RPS6KA2: variants seen among roughly 807,000 people sequenced by gnomAD.
The protein encoded by RPS6KA2 is ribosomal protein S6 kinase A2.
Under a neutral mutation model 91.8 loss-of-function variants are expected in RPS6KA2, and 42 were observed. That is an observed-to-expected ratio of 0.46 (90% CI 0.36 to 0.59). The LOEUF (loss-of-function observed/expected upper bound fraction) is 0.59, where lower values mean the gene tolerates loss of function less well. Among genes scored for constraint, RPS6KA2 ranks in the 20% least tolerant of loss-of-function variants. RPS6KA2 has a pLI of 0.00. For synonymous variants in RPS6KA2, 414 were observed against 393.6 expected, an observed-to-expected ratio of 1.05 and a Z score of -0.61; for missense variants, 798 against 978.5, an observed-to-expected ratio of 0.82 and a Z score of 2.46.
intron 3 of RPS6KA2, among the ~76,000 whole-genome samples, chr6:166,530,578 A>G (rs1783237034): frequency 6.6e-6 from 1 of 152,196 alleles, no homozygotes; most frequent in Non-Finnish European, 1.5e-5. Flanking sequence ...TGTGTGTTCA[A>G]TCGCCTAATG....
At chr6:166,718,806 A>G (rs1790092709) in intron 2 of RPS6KA2, among the ~76,000 whole-genome samples, 1 of 152,208 alleles carries the variant, frequency 6.6e-6, no homozygotes, top group Non-Finnish European at 1.5e-5. Context: ...CTTAATGAAA[A>G]GTGAGATCCC....
intron 2 of RPS6KA2, among the ~76,000 whole-genome samples, chr6:166,808,433 CT>C (rs1779547429): frequency 6.6e-6 from 1 of 152,158 alleles, no homozygotes; most frequent in Admixed American, 6.5e-5. Flanking sequence ...ACTGTTATTG[CT>C]TTGTTCATGG....
intron 3 of RPS6KA2, among the ~76,000 whole-genome samples, chr6:166,525,187 A>C (rs763217247): frequency 6.6e-6 from 1 of 152,174 alleles, no homozygotes; most frequent in African/African-American, 2.4e-5. Context: ...CATTCTTTTA[A>C]ATCAAGTTCC....
chr6:166,707,579 G>T (rs1248286479), intron 2 of RPS6KA2, among the ~76,000 whole-genome samples: 2 of 152,178 alleles, frequency 1.3e-5, no homozygotes, highest in Non-Finnish European at 2.9e-5. Context: ...AAGGAGTGCA[G>T]AATCAAGGCC....
intron 2 of RPS6KA2, among the ~76,000 whole-genome samples, chr6:166,748,709 CA>C (rs1583074348): frequency 6.8e-5 from 3 of 44,204 alleles, no homozygotes; most frequent in Non-Finnish European, 1.2e-4. Context: ...CCCACCTCCT[CA>C]GGCCCCCATC....
intron 13 of RPS6KA2, among the ~76,000 whole-genome samples, chr6:166,450,005 GGATGTCACCTAAGGGACCACCAC>G (rs1779822728): frequency 3.3e-4 from 48 of 147,596 alleles, no homozygotes; most frequent in Middle Eastern, 3.7e-3. Context: ...GAACCACCAT[GGATGTCACCTAAGGGACCACCAC>G]AGGAGCCACC....
chr6:166,733,454 C>T lies in RPS6KA2; in HGVS notation c.123+124746G>A, dbSNP rs1790591651. 6.6e-6 allele frequency among the ~76,000 whole-genome samples: 1 copy of T among 152,258 alleles called. No homozygotes were observed. The highest frequency in any genetic ancestry group is 6.5e-5 in the Admixed American group (1 of 15,290). ...AGGGCAGGATCTACTCCCAAAAAGACATAGGGACCCTTACAGTACGAGTTT... is the reference window on the plus strand; with the variant it reads ...AGGGCAGGATCTACTCCCAAAAAGATATAGGGACCCTTACAGTACGAGTTT... On this transcript the variant is annotated intron_variant, in intron 2 of 21. Transcript: ENST00000503859. The surrounding 1 kb of genome is among the most constrained non-coding windows in gnomAD (Gnocchi z 4.1).
At position 166,626,994 on chromosome 6, in the gene RPS6KA2, G is replaced by A; in HGVS notation, c.26C>T (p.Ala9Val). 2 of 1,550,878 alleles carry A rather than the reference G, an allele frequency of 1.3e-6. No homozygotes were observed. The highest frequency in any genetic ancestry group is 2.6e-5 in the East Asian group (1 of 38,902). The change falls in exon 1 of 21, where the codon GCC becomes GTC. Residue 9 changes from alanine to valine, a missense_variant. Physicochemically the swap from Ala to Val is moderately conservative, Grantham distance 64. Coordinates refer to ENST00000265678, the MANE Select transcript of RPS6KA2 (RefSeq NM_021135.6). This position sits in a 1 kb window ranked among gnomAD's most constrained non-coding sequence, Gnocchi z 4.1. The part of the protein sequence containing the change: MDLSMKKF[A>V]VRRFFSVYLR... Reference sequence around the variant, plus strand: ...GTACACAGAGAAGAACCTGCGCACGGCGAACTTCTTCATGCTCAGGTCCAT... The same window carrying A: ...GTACACAGAGAAGAACCTGCGCACGACGAACTTCTTCATGCTCAGGTCCAT...
At chr6:166,776,902 G>A (rs1021413442) in intron 2 of RPS6KA2, among the ~76,000 whole-genome samples, 1 of 152,212 alleles carries the variant, frequency 6.6e-6, no homozygotes, top group African/African-American at 2.4e-5. Flanking sequence ...TTCAGTACCT[G>A]TTTTCAACAA....
rs1788197012 is a variant in RPS6KA2, at chr6:166,662,785, CTG to C, written c.124-124003_124-124002del. Among the ~76,000 whole-genome samples, 1 of 152,186 alleles carries C rather than the reference CTG, an allele frequency of 6.6e-6. No individual in the cohort carries two copies. The highest frequency in any genetic ancestry group is 6.5e-5 in the Admixed American group (1 of 15,282). ...GAAGTCCTAACCTCTGGTACTTAGA[CTG>C]TGACTGTGTGGAGAGAGGACCTTTC... is the stretch of plus-strand genomic sequence containing the variant. On this transcript the variant is annotated intron_variant, in intron 2 of 21. Coordinates refer to the RPS6KA2 transcript ENST00000503859. The surrounding 1 kb of genome is among the most constrained non-coding windows in gnomAD (Gnocchi z 4.3).
chr6:166,659,939 T>TC (rs149762960), intron 2 of RPS6KA2, among the ~76,000 whole-genome samples: 23,073 of 151,908 alleles, frequency 0.15, 1,768 homozygotes, highest in Middle Eastern at 0.19. Context: ...TTTTTTTTTT[T>TC]TTAGACACAA....
At chr6:166,581,445 C>G (rs1785006123) in intron 1 of RPS6KA2, among the ~76,000 whole-genome samples, 1 of 152,126 alleles carries the variant, frequency 6.6e-6, no homozygotes, top group African/African-American at 2.4e-5. Flanking sequence ...CCGCTCAGCC[C>G]TTCCTTCTCC....
chr6:166,573,383 G>A (rs563623928), intron 1 of RPS6KA2, among the ~76,000 whole-genome samples: 7 of 152,310 alleles, frequency 4.6e-5, no homozygotes, highest in African/African-American at 1.4e-4. Context: ...AGGATGGCAG[G>A]GTCTGCAGGG....
At chr6:166,614,669 C>A (rs1201192460) in intron 1 of RPS6KA2, among the ~76,000 whole-genome samples, 1 of 152,100 alleles carries the variant, frequency 6.6e-6, no homozygotes, top group Non-Finnish European at 1.5e-5. Flanking sequence ...GTTCGGGATC[C>A]ATTTTGCTGG....
At chr6:166,526,514 T>A (rs1783046030) in intron 3 of RPS6KA2, among the ~76,000 whole-genome samples, 1 of 151,892 alleles carries the variant, frequency 6.6e-6, no homozygotes, top group African/African-American at 2.4e-5. Flanking sequence ...CCCAGTTAAT[T>A]TTTGACTTTT....
intron 2 of RPS6KA2, among the ~76,000 whole-genome samples, chr6:166,782,858 G>C (rs1045521207): frequency 3.3e-5 from 5 of 152,026 alleles, no homozygotes; most frequent in Non-Finnish European, 7.4e-5. Context: ...TTATTCTTAA[G>C]CTGACTCAGC....
At chr6:166,818,772 G>A (rs910834960) in intron 2 of RPS6KA2, among the ~76,000 whole-genome samples, 7 of 152,086 alleles carry the variant, frequency 4.6e-5, no homozygotes, top group Admixed American at 1.3e-4. Flanking sequence ...CGAGTATGCC[G>A]TTTTTAAAAA....
At chr6:166,724,053 AG>A (rs1790266894) in intron 2 of RPS6KA2, among the ~76,000 whole-genome samples, 1 of 152,200 alleles carries the variant, frequency 6.6e-6, no homozygotes, top group Admixed American at 6.5e-5. Flanking sequence ...GACACTTAAA[AG>A]GTAAGTATAA....
At chr6:166,487,245 C>T (rs560804872) in intron 10 of RPS6KA2, among the ~76,000 whole-genome samples, 20 of 152,142 alleles carry the variant, frequency 1.3e-4, no homozygotes, top group African/African-American at 4.6e-4. Context: ...CACACACCCA[C>T]GTGCCCTGGG....
Sources: gnomAD v4.1 joint callset for allele counts (sites outside exome capture counted in the v4.1 genomes callset) on GRCh38, gnomAD v4.1.1 for gene constraint, Gnocchi (gnomAD v3.1) non-coding constraint, MANE v1.5 for transcripts, NCBI Gene and HGNC (gene_info 2026-07-23, HGNC 2026-07-21) for gene names.